The following DNAH3 variants were observed in gnomAD, a reference collection of about 807,000 sequenced individuals.
DNAH3 encodes dynein axonemal heavy chain 3.
In DNAH3, 332 loss-of-function variants were observed where a neutral mutation model predicts 432.5. That is an observed-to-expected ratio of 0.77 (90% CI 0.70 to 0.84). The LOEUF is 0.84. Ranked by LOEUF, DNAH3 falls within the 40% of genes least tolerant of loss-of-function variation. The pLI is 0.00. For synonymous variants in DNAH3, 1,956 were observed against 1,900.2 expected (o/e 1.03, Z -0.76); for missense variants, 4,861 against 5,114.0 (o/e 0.95, Z 1.51).
chr16:20,967,348 G>C (rs567012347), intron 52 of DNAH3, among the ~76,000 whole-genome samples: 2 of 152,072 alleles, frequency 1.3e-5, no homozygotes, highest in Non-Finnish European at 2.9e-5. Flanking sequence ...AAGATGAGAA[G>C]TGACATTCAT....
At chr16:20,967,477 G>C (rs1384202083) in intron 52 of DNAH3, among the ~76,000 whole-genome samples, 1 of 150,680 alleles carries the variant, frequency 6.6e-6, no homozygotes, top group East Asian at 1.9e-4. Flanking sequence ...TCTAGGAGTG[G>C]GGCACAGACT....
Position 20,981,952 on chromosome 16 carries a change from G to A in DNAH3, c.7859+769C>T, listed in dbSNP as rs910879105. On this transcript the variant is annotated intron_variant, in intron 49 of 61. Coordinates refer to ENST00000261383, the Ensembl canonical transcript of DNAH3. Reference sequence around the variant, plus strand: ...TATATACATACATAAAGTGTATAAAGCACATATATTATATATAATAAAGCA... The same window carrying A: ...TATATACATACATAAAGTGTATAAAACACATATATTATATATAATAAAGCA... Among the ~76,000 whole-genome samples, 9 of 146,654 alleles carry A rather than the reference G, an allele frequency of 6.1e-5. No individual in the cohort carries two copies. In the South Asian group the frequency reaches 8.5e-4, roughly 14 times the overall value.
chr16:20,965,085 TACC>T, exon 53 of DNAH3: 2 of 1,614,174 alleles, frequency 1.2e-6, no homozygotes, highest in Non-Finnish European at 1.7e-6. Context: ...GGAGCCGATC[TACC>T]ACCAGCTTCA....
In DNAH3 at chr16:20,952,458, G is replaced by A. The variant is rs756979507; in HGVS notation, c.11163C>T (p.Pro3721=). The A allele has an allele frequency of 5.0e-6, 8 of 1,612,448 alleles. No individual in the cohort carries two copies. The Admixed American group carries it at 8.3e-5, about 17-fold the overall frequency. Residue 3721 remains proline, a synonymous_variant, in exon 56 of 62, where the codon CCC becomes CCT. Transcript: ENST00000261383. The stretch of plus-strand genomic sequence containing the variant: ...CTGTCAGGTAGGTCAGAGCATCAAA[G>A]GGCACCTCCTTGTAGTCATTGAGAA...
chr16:21,002,444 GTTATTATTA>G (rs67362610), intron 42 of DNAH3, among the ~76,000 whole-genome samples: 1,694 of 146,884 alleles, frequency 0.012, 43 homozygotes, highest in African/African-American at 0.038. Context: ...ATCTGGTGTT[GTTATTATTA>G]TTATTATTAT....
At chr16:20,939,819 A>G (rs1243804198) in intron 59 of DNAH3, among the ~76,000 whole-genome samples, 1 of 152,156 alleles carries the variant, frequency 6.6e-6, no homozygotes, top group East Asian at 1.9e-4. Flanking sequence ...GTTTTAGCCC[A>G]CTTGGCTCTG....
At chr16:21,053,846 C>T (rs2090041481) in intron 28 of DNAH3, among the ~76,000 whole-genome samples, 1 of 151,690 alleles carries the variant, frequency 6.6e-6, no homozygotes, top group African/African-American at 2.4e-5. Context: ...CCTCCTCCTC[C>T]TCTTCCTCCT....
intron 43 of DNAH3, among the ~76,000 whole-genome samples, chr16:20,998,890 A>G (rs536618471): frequency 1.3e-5 from 2 of 152,310 alleles, no homozygotes; most frequent in Non-Finnish European, 2.9e-5. Context: ...TAAGGAAGAT[A>G]GTATTAACTC....
At chr16:20,960,021 T>G (rs2084748449) in intron 53 of DNAH3, among the ~76,000 whole-genome samples, 1 of 152,076 alleles carries the variant, frequency 6.6e-6, no homozygotes, top group South Asian at 2.1e-4. Context: ...AGTCTCTCAC[T>G]TCTCTCTTCT....
chr16:21,078,369 T>C (rs1229031760), intron 20 of DNAH3, among the ~76,000 whole-genome samples: 1 of 151,714 alleles, frequency 6.6e-6, no homozygotes, highest in African/African-American at 2.4e-5. Context: ...AGAACCCTCA[T>C]TTAGCCTCTA....
intron 54 of DNAH3, 134 bp from the exon 55 acceptor site, chr16:20,955,191 A>G: frequency 1.2e-6 from 1 of 831,192 alleles, no homozygotes; most frequent in Non-Finnish European, 1.7e-6. Context: ...CTCTATGAAA[A>G]ACATTATTTT....
At chr16:20,992,274 A>G (rs2086589597) in intron 44 of DNAH3, among the ~76,000 whole-genome samples, 1 of 152,172 alleles carries the variant, frequency 6.6e-6, no homozygotes, top group Non-Finnish European at 1.5e-5. Context: ...TTTTGATGTG[A>G]GTCCGGTAAT....
exon 48 of DNAH3, chr16:20,985,599 G>C (rs2086152761): frequency 6.2e-7 from 1 of 1,614,196 alleles, no homozygotes; most frequent in Non-Finnish European, 8.5e-7. Flanking sequence ...GCTGTTTCAG[G>C]TCAGTGATCT....
intron 23 of DNAH3, among the ~76,000 whole-genome samples, chr16:21,067,781 G>GAGAGAGAGAGAGAGAGAGAGAGAGAGAA (rs1567732715): frequency 2.3e-5 from 3 of 133,212 alleles, no homozygotes; most frequent in African/African-American, 8.5e-5. Context: ...GGGAGGGAGA[G>GAGAGAGAGAGAGAGAGAGAGAGAGAGAA]AGAGAGAGAG....
intron 50 of DNAH3, among the ~76,000 whole-genome samples, chr16:20,975,902 G>A (rs1173292899): frequency 6.6e-6 from 1 of 151,646 alleles, no homozygotes; most frequent in African/African-American, 2.4e-5. Flanking sequence ...ACACCACCAC[G>A]CCTGGCTAAT....
Position 21,038,087 on chromosome 16 carries a change from A to G in DNAH3, c.4731-107T>C, listed in dbSNP as rs971582895. The G allele has an allele frequency of 1.3e-5, 11 of 834,764 alleles. No individual in the cohort carries two copies. In the African/African-American group the frequency reaches 1.9e-4, roughly 14 times the overall value. The allele number at this position is 834,764 out of a possible 1,614,324, so 51.7% of individuals were successfully genotyped here. A position where few individuals can be genotyped will look rare whatever the true frequency, so the allele number is the denominator to read the frequency against. On this transcript the variant is annotated intron_variant, in intron 33 of 61. Coordinates refer to ENST00000261383, the Ensembl canonical transcript of DNAH3. The stretch of plus-strand genomic sequence containing the variant: ...GCCCCGTCAGCAACCAGGCATGCCC[A>G]TGGACTTGATGGAGAAGCCCTATCC...
intron 44 of DNAH3, among the ~76,000 whole-genome samples, chr16:20,990,907 A>C (rs554233258): frequency 8.0e-4 from 121 of 152,110 alleles, no homozygotes; most frequent in African/African-American, 2.8e-3. Flanking sequence ...TGTAGTCCCA[A>C]CTACTCGGGA....
intron 44 of DNAH3, among the ~76,000 whole-genome samples, chr16:20,988,889 T>A (rs1292374256): frequency 6.6e-6 from 1 of 152,002 alleles, no homozygotes; most frequent in Non-Finnish European, 1.5e-5. Context: ...GCTGCAGACC[T>A]TCGCGGTGAG....
At chr16:20,955,273 A>G (rs1254726449) in intron 54 of DNAH3, among the ~76,000 whole-genome samples, 2 of 152,180 alleles carry the variant, frequency 1.3e-5, no homozygotes, top group Admixed American at 6.5e-5. Flanking sequence ...AAACTATGCT[A>G]AGCATTTAAC....
Sources: gnomAD v4.1 joint callset for allele counts (sites outside exome capture counted in the v4.1 genomes callset) on GRCh38, gnomAD v4.1.1 for gene constraint, MANE v1.5 for transcripts, NCBI Gene and HGNC (gene_info 2026-07-23, HGNC 2026-07-21) for gene names.